TNFAIP8: variants seen among roughly 807,000 people sequenced by gnomAD.
TNFAIP8 encodes the protein tumor necrosis factor alpha-induced protein 8.
In TNFAIP8, 7 loss-of-function variants were observed where a neutral mutation model predicts 13.3. The observed-to-expected ratio is 0.52, with a 90% CI of 0.30 to 0.99. The LOEUF is 0.99. Among genes scored for constraint, TNFAIP8 ranks in the 50% least tolerant of loss-of-function variants. The pLI, the probability that TNFAIP8 is intolerant of heterozygous loss-of-function variation, is 0.07. For synonymous variants in TNFAIP8, 94 were observed against 87.6 expected (o/e 1.07, Z -0.41); for missense variants, 258 against 236.9 (o/e 1.09, Z -0.58).
chr5:119,338,165 GACACACACACACACACAC>G (rs367789572), intron 1 of TNFAIP8, among the ~76,000 whole-genome samples: 17 of 125,248 alleles, frequency 1.4e-4, no homozygotes, highest in Admixed American at 4.0e-4. Flanking sequence ...CTGGAACTTT[GACACACACACACACACAC>G]ACACACACAC....
At chr5:119,311,880 A>G (rs888498234) in intron 1 of TNFAIP8, among the ~76,000 whole-genome samples, 1 of 152,196 alleles carries the variant, frequency 6.6e-6, no homozygotes, top group Admixed American at 6.5e-5. Flanking sequence ...GAAAGTATCC[A>G]TAGACCTGTG....
chr5:119,272,250 C>G (rs1333956436), intron 1 of TNFAIP8, among the ~76,000 whole-genome samples: 1 of 152,198 alleles, frequency 6.6e-6, no homozygotes, highest in Non-Finnish European at 1.5e-5. Flanking sequence ...AGGTGTCCAT[C>G]TCCTTAAGTC....
intron 1 of TNFAIP8, among the ~76,000 whole-genome samples, chr5:119,358,070 G>A (rs1371224933): frequency 1.3e-5 from 2 of 149,330 alleles, no homozygotes; most frequent in Admixed American, 1.3e-4. Flanking sequence ...CTTCTCTATC[G>A]TTACTAGTCC....
chr5:119,320,011 C>T (rs1228664198), intron 1 of TNFAIP8, among the ~76,000 whole-genome samples: 1 of 152,122 alleles, frequency 6.6e-6, no homozygotes, highest in Non-Finnish European at 1.5e-5. Flanking sequence ...CCGAAGAGAT[C>T]ATGAACCATG....
intron 1 of TNFAIP8, among the ~76,000 whole-genome samples, chr5:119,316,854 A>C (rs1749912139): frequency 6.6e-6 from 1 of 152,160 alleles, no homozygotes; most frequent in East Asian, 1.9e-4. Context: ...ATTTTAGCAA[A>C]CTGGGAGGGG....
intron 1 of TNFAIP8, among the ~76,000 whole-genome samples, chr5:119,296,999 T>A (rs1209257947): frequency 2.0e-5 from 3 of 152,148 alleles, no homozygotes; most frequent in Non-Finnish European, 4.4e-5. Flanking sequence ...TTATTGCGTC[T>A]ATTTGATTCT....
At chr5:119,336,315 C>G (rs1267021100) in intron 1 of TNFAIP8, among the ~76,000 whole-genome samples, 1 of 152,212 alleles carries the variant, frequency 6.6e-6, no homozygotes, top group Admixed American at 6.5e-5. Flanking sequence ...CCTCCTGCCT[C>G]TGGCACTCTT....
upstream of TNFAIP8, among the ~76,000 whole-genome samples, chr5:119,351,638 T>C (rs1370445706): frequency 6.6e-6 from 1 of 152,190 alleles, no homozygotes; most frequent in African/African-American, 2.4e-5. Flanking sequence ...TTGAGGAGCA[T>C]CTGTACTCAG....
intron 1 of TNFAIP8, among the ~76,000 whole-genome samples, chr5:119,331,790 C>T (rs1381924239): frequency 1.3e-5 from 2 of 152,180 alleles, no homozygotes; most frequent in Non-Finnish European, 2.9e-5. Flanking sequence ...CTAGTGACCA[C>T]CTAGCCATGC....
intron 1 of TNFAIP8, among the ~76,000 whole-genome samples, chr5:119,291,688 C>A (rs1239036665): frequency 6.6e-6 from 1 of 152,140 alleles, no homozygotes; most frequent in Non-Finnish European, 1.5e-5. Context: ...GGATTTGGGG[C>A]AGAGTTTTTT....
chr5:119,388,677 C>T (rs758952545), intron 1 of TNFAIP8, among the ~76,000 whole-genome samples: 3 of 151,820 alleles, frequency 2.0e-5, no homozygotes, highest in African/African-American at 7.3e-5. Context: ...CTTGCTGTGT[C>T]GCCCAGGCTG....
intron 1 of TNFAIP8, among the ~76,000 whole-genome samples, chr5:119,269,434 A>ATG (rs113644241): frequency 1.2e-3 from 184 of 151,344 alleles, no homozygotes; most frequent in South Asian, 7.3e-3. Context: ...GAGGAAGAAA[A>ATG]TGTGTGTGTG....
At chr5:119,274,885 A>C (rs1748392125) in intron 1 of TNFAIP8, among the ~76,000 whole-genome samples, 4 of 152,228 alleles carry the variant, frequency 2.6e-5, no homozygotes, top group Admixed American at 2.6e-4. Flanking sequence ...CTGTTAAGTC[A>C]GAATCACCAG....
chr5:119,313,662 G>A (rs989911642), intron 1 of TNFAIP8, among the ~76,000 whole-genome samples: 1 of 152,172 alleles, frequency 6.6e-6, no homozygotes, highest in Non-Finnish European at 1.5e-5. Flanking sequence ...TAATTTCATG[G>A]AAGTACAAAT....
chr5:119,311,432 C>T (rs947356977), intron 1 of TNFAIP8, among the ~76,000 whole-genome samples: 10 of 151,674 alleles, frequency 6.6e-5, no homozygotes, highest in African/African-American at 2.4e-4. Context: ...TGGCTCACAC[C>T]TGTAATCTCA....
chr5:119,388,630 T>TTTTC lies in TNFAIP8; in HGVS notation c.32-4183_32-4182insCTTT, dbSNP rs1562035304. ...AAAGAACTTACATGAAGCATCTTTT[T>TTTTC]TTTTCTTTTCTTTTCTTTTCTTTTC... On this transcript the variant is annotated intron_variant, in intron 1 of 1. Coordinates refer to ENST00000504771, the MANE Select transcript of TNFAIP8 (RefSeq NM_014350.4). 8.8e-4 allele frequency among the ~76,000 whole-genome samples: 132 copies of TTTTC among 150,714 alleles called. 1 individual carries two copies. In the East Asian group the frequency reaches 0.018, roughly 20 times the overall value.
chr5:119,278,437 G>C (rs13172000), intron 1 of TNFAIP8, among the ~76,000 whole-genome samples: 47,151 of 149,024 alleles, frequency 0.32, 7,782 homozygotes, highest in Non-Finnish European at 0.35. Context: ...TGGACACAGA[G>C]GGCAGCAATA....
chr5:119,368,547 A>G (rs1443662054), intron 1 of TNFAIP8, among the ~76,000 whole-genome samples: 1 of 152,012 alleles, frequency 6.6e-6, no homozygotes, highest in Non-Finnish European at 1.5e-5. Flanking sequence ...ATTAGATGAG[A>G]GTGTCTACAA....
chr5:119,367,289 A>G (rs1472389524), intron 1 of TNFAIP8, among the ~76,000 whole-genome samples: 1 of 144,212 alleles, frequency 6.9e-6, no homozygotes, highest in Non-Finnish European at 1.5e-5. Flanking sequence ...AGAAAGGAAT[A>G]ATTTGATTTT....
Sources: gnomAD v4.1 joint callset for allele counts (sites outside exome capture counted in the v4.1 genomes callset) on GRCh38, gnomAD v4.1.1 for gene constraint, MANE v1.5 for transcripts, NCBI Gene and HGNC (gene_info 2026-07-23, HGNC 2026-07-21) for gene names.